The following SUMF1 variants were observed in gnomAD, a reference collection of about 807,000 sequenced individuals.
The protein encoded by SUMF1 is formylglycine-generating enzyme.
Under a neutral mutation model 47.6 loss-of-function variants are expected in SUMF1, and 48 were observed. That is an observed-to-expected ratio of 1.01 (90% CI 0.80 to 1.28). The LOEUF is 1.28. Ranked by LOEUF, SUMF1 falls within the 50% of genes most tolerant of loss-of-function variation. The pLI is 0.00. For missense variants in SUMF1, 571 were observed against 485.4 expected, an observed-to-expected ratio of 1.18 and a Z score of -1.66; for synonymous variants, 230 against 192.1, an observed-to-expected ratio of 1.20 and a Z score of -1.63.
At chr3:4,197,479 C>T (rs190808908) in intron 8 of SUMF1, among the ~76,000 whole-genome samples, 19 of 152,138 alleles carry the variant, frequency 1.2e-4, no homozygotes, top group African/African-American at 4.1e-4. Flanking sequence ...GAGGGCATGA[C>T]AGACGGAAGA....
intron 8 of SUMF1, among the ~76,000 whole-genome samples, chr3:4,211,226 A>ATATATATATATATATC (rs1457657885): frequency 5.1e-5 from 7 of 136,898 alleles, no homozygotes; most frequent in African/African-American, 1.4e-4. Context: ...ATATATATAT[A>ATATATATATATATATC]TCCTATTAGT....
At chr3:4,076,893 A>T (rs1692449711) in intron 8 of SUMF1, among the ~76,000 whole-genome samples, 1 of 151,992 alleles carries the variant, frequency 6.6e-6, no homozygotes, top group Non-Finnish European at 1.5e-5. Context: ...AGTCCCAGCT[A>T]CTCGGGAGGC....
intron 8 of SUMF1, among the ~76,000 whole-genome samples, chr3:4,336,242 CA>C (rs1699150692): frequency 6.6e-6 from 1 of 151,442 alleles, no homozygotes. Flanking sequence ...AAAGAGCAAG[CA>C]AAAAGGGGAA....
chr3:4,412,817 AG>A (rs71301159), intron 6 of SUMF1, among the ~76,000 whole-genome samples: 1 of 152,136 alleles, frequency 6.6e-6, no homozygotes, highest in East Asian at 1.9e-4. Flanking sequence ...TAAACCCAGG[AG>A]GCAGAGGTTG....
At chr3:4,045,266 T>C (rs1050546212) in intron 9 of SUMF1, among the ~76,000 whole-genome samples, 1 of 152,202 alleles carries the variant, frequency 6.6e-6, no homozygotes, top group East Asian at 1.9e-4. Context: ...CTTCAGATCA[T>C]GCCAAGGAGT....
intron 8 of SUMF1, among the ~76,000 whole-genome samples, chr3:4,166,923 T>A (rs1694720435): frequency 6.6e-6 from 1 of 152,074 alleles, no homozygotes; most frequent in African/African-American, 2.4e-5. Context: ...CTGACACCCA[T>A]GTGTTTAGTC....
chr3:4,086,661 G>C (rs1297831486), intron 8 of SUMF1, among the ~76,000 whole-genome samples: 1 of 152,016 alleles, frequency 6.6e-6, no homozygotes, highest in East Asian at 1.9e-4. Context: ...AGTATGGTAT[G>C]GTTTGGCTGT....
At chr3:4,370,435 A>G (rs1205920769) in intron 8 of SUMF1, among the ~76,000 whole-genome samples, 1 of 152,250 alleles carries the variant, frequency 6.6e-6, no homozygotes, top group Non-Finnish European at 1.5e-5. Context: ...GTGATAGGGC[A>G]TAGGACTTAG....
intron 8 of SUMF1, chr3:4,313,649 C>G: frequency 6.2e-7 from 1 of 1,614,040 alleles, no homozygotes; most frequent in Non-Finnish European, 8.5e-7. Flanking sequence ...TTTGACAGTT[C>G]TCTGTACTGC....
intron 3 of SUMF1, among the ~76,000 whole-genome samples, chr3:4,422,153 T>C (rs959874218): frequency 5.3e-5 from 8 of 152,220 alleles, no homozygotes; most frequent in Admixed American, 3.9e-4. Context: ...CTATTTCATT[T>C]GTGGCGCTGT....
chr3:4,121,178 C>T (rs1693532550), intron 8 of SUMF1, among the ~76,000 whole-genome samples: 1 of 152,062 alleles, frequency 6.6e-6, no homozygotes, highest in South Asian at 2.1e-4. Context: ...CAATTTTTTT[C>T]CCAGCCATTA....
At chr3:4,368,714 A>C (rs1393557166) in intron 8 of SUMF1, among the ~76,000 whole-genome samples, 1 of 152,196 alleles carries the variant, frequency 6.6e-6, no homozygotes, top group African/African-American at 2.4e-5. Context: ...GTACACTTGC[A>C]TAAACATAAG....
chr3:4,089,963 C>A (rs143906437), intron 8 of SUMF1, among the ~76,000 whole-genome samples: 4 of 152,042 alleles, frequency 2.6e-5, no homozygotes, highest in Admixed American at 2.0e-4. Context: ...CTTATTTCAG[C>A]GGTAGTTACA....
intron 9 of SUMF1, among the ~76,000 whole-genome samples, chr3:4,047,620 T>C (rs2125021206): frequency 6.6e-6 from 1 of 152,256 alleles, no homozygotes; most frequent in Non-Finnish European, 1.5e-5. Flanking sequence ...GTTCCTTTGC[T>C]ACACCATTCC....
intron 8 of SUMF1, among the ~76,000 whole-genome samples, chr3:4,258,885 T>A (rs1193143355): frequency 7.4e-6 from 1 of 135,414 alleles, no homozygotes; most frequent in African/African-American, 2.8e-5. Context: ...AATGATAGAC[T>A]GGATTAAGAA....
chr3:4,309,063 G>A (rs1346248768), intron 8 of SUMF1, among the ~76,000 whole-genome samples: 1 of 152,198 alleles, frequency 6.6e-6, no homozygotes, highest in Admixed American at 6.5e-5. Context: ...GAGGCTTCCA[G>A]TTTCTGATTA....
chr3:4,112,924 C>T (rs7625951), intron 8 of SUMF1, among the ~76,000 whole-genome samples: 22,805 of 152,056 alleles, frequency 0.15, 3,680 homozygotes, highest in African/African-American at 0.39. Flanking sequence ...CAATCAAATA[C>T]TGAATGCCAG....
At chr3:4,275,034 G>A (rs1255091035) in intron 8 of SUMF1, among the ~76,000 whole-genome samples, 2 of 152,110 alleles carry the variant, frequency 1.3e-5, no homozygotes, top group Non-Finnish European at 2.9e-5. Flanking sequence ...GTTCTGTGAT[G>A]CATCTCCGTG....
chr3:4,365,287 C>A (rs187590732), intron 8 of SUMF1, among the ~76,000 whole-genome samples: 1 of 101,888 alleles, frequency 9.8e-6, no homozygotes, highest in Admixed American at 9.3e-5. Context: ...CTTTCTGTCT[C>A]GTTGATCTGT....
Sources: allele counts gnomAD v4.1 joint callset (sites outside exome capture counted in the v4.1 genomes callset), GRCh38; gene constraint gnomAD v4.1.1; transcripts MANE v1.5; gene names NCBI Gene and HGNC (gene_info 2026-07-23, HGNC 2026-07-21).